The following TMEFF1 variants were observed in gnomAD, a reference collection of about 807,000 sequenced individuals.
The protein encoded by TMEFF1 is transmembrane protein with EGF like and two follistatin like domains 1, also known as tomoregulin-1.
TMEFF1 carries 20 observed loss-of-function variants against 47.5 expected under a neutral mutation model. The ratio of observed to expected loss-of-function variants is 0.42; its 90% CI spans 0.30 to 0.61. The LOEUF (loss-of-function observed/expected upper bound fraction) is 0.61, where lower values mean the gene tolerates loss of function less well. TMEFF1 is among the 20% of genes least tolerant of loss of function. TMEFF1 has a pLI of 0.19. For synonymous variants in TMEFF1, 162 were observed against 166.3 expected, an observed-to-expected ratio of 0.97 and a Z score of 0.20; for missense variants, 411 against 471.1, an observed-to-expected ratio of 0.87 and a Z score of 1.18.
At chr9:100,496,177 G>A (rs1288951136) in intron 1 of TMEFF1, among the ~76,000 whole-genome samples, 1 of 152,210 alleles carries the variant, frequency 6.6e-6, no homozygotes, top group Non-Finnish European at 1.5e-5. Context: ...TGGGCTGGAG[G>A]AGCAAACCAA....
intron 5 of TMEFF1, among the ~76,000 whole-genome samples, chr9:100,539,656 C>T (rs564394647): frequency 1.3e-5 from 2 of 152,160 alleles, no homozygotes; most frequent in East Asian, 3.9e-4. Flanking sequence ...GTGGCGCGGA[C>T]CCAAAGAGTG....
rs112571207 is a variant in TMEFF1, at chr9:100,552,862, G to GAA, written c.775+2702_775+2703insAA. On this transcript the variant is annotated intron_variant, in intron 7 of 9. Transcript: ENST00000374879. ...GGGCGACAAAGCAAGACACTGTTTTGGAAAAAAAAAAAAAAGCATTCTAGC... is the reference window on the plus strand; with the variant it reads ...GGGCGACAAAGCAAGACACTGTTTTGAAGAAAAAAAAAAAAAAGCATTCTAGC... Among the ~76,000 whole-genome samples the GAA allele has an allele frequency of 7.9e-3, 1,144 of 145,300 alleles. 10 individuals carry two copies. Among genetic ancestry groups the GAA allele is most frequent in the African/African-American group, 0.018 (705 of 38,308 alleles).
chr9:100,550,935 T>C (rs1288418163), intron 7 of TMEFF1, among the ~76,000 whole-genome samples: 2 of 152,258 alleles, frequency 1.3e-5, no homozygotes, highest in Non-Finnish European at 2.9e-5. Context: ...AGGCCACTGC[T>C]CTTTTTGCTT....
intron 5 of TMEFF1, among the ~76,000 whole-genome samples, chr9:100,523,651 T>C (rs1838207030): frequency 6.6e-6 from 1 of 152,220 alleles, no homozygotes; most frequent in African/African-American, 2.4e-5. Flanking sequence ...CATGAATTAG[T>C]TTAAGCCAAT....
At chr9:100,505,190 G>A (rs1432732806) in intron 2 of TMEFF1, among the ~76,000 whole-genome samples, 2 of 151,702 alleles carry the variant, frequency 1.3e-5, no homozygotes, top group Non-Finnish European at 2.9e-5. Flanking sequence ...GAGGTGGGCG[G>A]ATCACGAGGT....
intron 8 of TMEFF1, among the ~76,000 whole-genome samples, chr9:100,562,751 G>A (rs972244255): frequency 3.9e-5 from 6 of 152,116 alleles, no homozygotes; most frequent in Non-Finnish European, 8.8e-5. Context: ...GGCTTCCCAG[G>A]TTCAAGCGAT....
intron 7 of TMEFF1, among the ~76,000 whole-genome samples, chr9:100,550,917 T>G (rs1279445181): frequency 6.6e-6 from 1 of 152,242 alleles, no homozygotes; most frequent in Non-Finnish European, 1.5e-5. Context: ...CCAGGTCCCT[T>G]GACTTCAAGG....
intron 5 of TMEFF1, among the ~76,000 whole-genome samples, chr9:100,547,036 G>T (rs943739514): frequency 6.6e-6 from 1 of 152,080 alleles, no homozygotes; most frequent in African/African-American, 2.4e-5. Context: ...ATTTATTTAA[G>T]ACAGGGTCTC....
chr9:100,561,527 C>G lies in TMEFF1; in HGVS notation c.899+7C>G. ...CTCAGAAGGCTTCTTGTAGGTAAGT[C>G]AGCGCTTCCAGATCAGTGGTGAGCA... On this transcript the variant is annotated splice_region_variant and intron_variant, in intron 8 of 9. Transcript: ENST00000374879. 6.2e-7 allele frequency: 1 copy of G among 1,609,892 alleles called. No homozygotes were observed. The highest frequency in any genetic ancestry group is 2.2e-5 in the East Asian group (1 of 44,738).
At chr9:100,530,007 G>A (rs1433340437) in intron 5 of TMEFF1, among the ~76,000 whole-genome samples, 2 of 151,980 alleles carry the variant, frequency 1.3e-5, no homozygotes, top group African/African-American at 4.8e-5. Flanking sequence ...GGTACATAAC[G>A]AAATGAAGGC....
At chr9:100,511,184 T>C (rs959628398) in intron 3 of TMEFF1, among the ~76,000 whole-genome samples, 1 of 152,240 alleles carries the variant, frequency 6.6e-6, no homozygotes, top group Non-Finnish European at 1.5e-5. Flanking sequence ...GTACATTGTG[T>C]TTCACAAAAT....
Position 100,527,554 on chromosome 9 carries a change from A to T in TMEFF1, c.560+10783A>T, listed in dbSNP as rs148809748. On this transcript the variant is annotated intron_variant, in intron 5 of 9. Transcript: ENST00000374879. ...CGACGGGCTTAAAAAACGGCACACC[A>T]CGAGATTATATCCCGCACCTGGCTC... Among the ~76,000 whole-genome samples the T allele has an allele frequency of 4.9e-3, 753 of 152,276 alleles. 6 individuals are homozygous for T. The highest frequency in any genetic ancestry group is 0.017 in the African/African-American group (706 of 41,546).
At chr9:100,506,152 T>TGGTA (rs943145432) in intron 2 of TMEFF1, among the ~76,000 whole-genome samples, 4 of 152,234 alleles carry the variant, frequency 2.6e-5, no homozygotes, top group African/African-American at 7.2e-5. Context: ...GCTTGACCTG[T>TGGTA]GGTAGCATGC....
rs1276835132 is a variant in TMEFF1, at chr9:100,473,358, C to CGTCCCGAGCGCCGCG, written c.-185_-171dup. Reference sequence around the variant, plus strand: ...CGCACGCGCCCGGACCCGCCGACTCCGTCCCGAGCGCCGCGGGCCCGGGCC... The same window carrying CGTCCCGAGCGCCGCG: ...CGCACGCGCCCGGACCCGCCGACTCCGTCCCGAGCGCCGCGGTCCCGAGCGCCGCGGGCCCGGGCC... On this transcript the variant is annotated 5_prime_UTR_variant, in exon 1 of 10. Transcript: ENST00000374879. The surrounding 1 kb of genome is among the most constrained non-coding windows in gnomAD (Gnocchi z 5.4). 4 of 322,290 alleles carry CGTCCCGAGCGCCGCG rather than the reference C, an allele frequency of 1.2e-5. No individual in the cohort carries two copies. Among genetic ancestry groups the CGTCCCGAGCGCCGCG allele is most frequent in the Admixed American group, 5.4e-5 (1 of 18,452 alleles). 20.0% of individuals were successfully genotyped at this position (322,290 alleles called of 1,614,324 possible).
At chr9:100,511,904 T>C (rs563100179) in intron 3 of TMEFF1, among the ~76,000 whole-genome samples, 1 of 152,330 alleles carries the variant, frequency 6.6e-6, no homozygotes, top group Non-Finnish European at 1.5e-5. Flanking sequence ...TACCTTGTTA[T>C]CAGAGTAGCC....
chr9:100,509,452 G>A (rs373569794), intron 3 of TMEFF1, among the ~76,000 whole-genome samples: 1 of 152,130 alleles, frequency 6.6e-6, no homozygotes, highest in Non-Finnish European at 1.5e-5. Context: ...GGGAATGATA[G>A]GGGATCTGTC....
At chr9:100,538,971 C>T (rs572939936) in intron 5 of TMEFF1, among the ~76,000 whole-genome samples, 1 of 151,956 alleles carries the variant, frequency 6.6e-6, no homozygotes, top group Admixed American at 6.6e-5. Context: ...CTGGCTCAAT[C>T]TCAGCTCATC....
intron 5 of TMEFF1, among the ~76,000 whole-genome samples, chr9:100,545,738 C>G (rs1267197878): frequency 6.6e-6 from 1 of 152,152 alleles, no homozygotes; most frequent in Non-Finnish European, 1.5e-5. Flanking sequence ...AAACTGAATG[C>G]CTTTAATAGC....
chr9:100,473,784 T>C lies in TMEFF1; in HGVS notation c.196+44T>C. The C allele has an allele frequency of 7.0e-7, 1 of 1,433,254 alleles. No homozygotes were observed. The highest frequency in any genetic ancestry group is 9.2e-7 in the Non-Finnish European group (1 of 1,083,864). 88.8% of individuals were successfully genotyped at this position (1,433,254 alleles called of 1,614,324 possible). ...GGCCCTAGGTCTTCCCACCCCTCCG[T>C]TGCCGCCTCCCTCGTGGTCCCTGCG... On this transcript the variant is annotated intron_variant, in intron 1 of 9. Transcript: ENST00000374879. This position sits in a 1 kb window ranked among gnomAD's most constrained non-coding sequence, Gnocchi z 5.4.
Sources: gnomAD v4.1 joint callset for allele counts (sites outside exome capture counted in the v4.1 genomes callset) on GRCh38, gnomAD v4.1.1 for gene constraint, Gnocchi (gnomAD v3.1) non-coding constraint, MANE v1.5 for transcripts, NCBI Gene and HGNC (gene_info 2026-07-23, HGNC 2026-07-21) for gene names.